Variants in OPCML observed in about 807,000 individuals in gnomAD.
OPCML encodes opioid-binding protein/cell adhesion molecule.
A neutral mutation model predicts 37.8 loss-of-function variants in OPCML; 13 were observed. The observed-to-expected ratio is 0.34, with a 90% CI of 0.22 to 0.55. OPCML has a LOEUF of 0.55. Among genes scored for constraint, OPCML ranks in the 20% least tolerant of loss-of-function variants. The pLI, the probability that OPCML is intolerant of heterozygous loss-of-function variation, is 0.91. For missense variants in OPCML, 341 were observed against 435.6 expected, an observed-to-expected ratio of 0.78 and a Z score of 1.93; for synonymous variants, 176 against 168.8, an observed-to-expected ratio of 1.04 and a Z score of -0.33.
intron 1 of OPCML, among the ~76,000 whole-genome samples, chr11:133,053,128 A>G (rs962717832): frequency 6.6e-6 from 1 of 152,206 alleles, no homozygotes; most frequent in African/African-American, 2.4e-5. Flanking sequence ...TTGGACTCCC[A>G]GTTCATCATT....
At chr11:133,171,199 C>A (rs1285503659) in intron 1 of OPCML, among the ~76,000 whole-genome samples, 1 of 152,234 alleles carries the variant, frequency 6.6e-6, no homozygotes, top group Non-Finnish European at 1.5e-5. Context: ...GTTACCAATT[C>A]TGTGGCTGCA....
chr11:133,238,572 G>T (rs1940610516), intron 1 of OPCML, among the ~76,000 whole-genome samples: 1 of 152,114 alleles, frequency 6.6e-6, no homozygotes, highest in South Asian at 2.1e-4. Flanking sequence ...GACAGCGTTG[G>T]CTTGGCTTGT....
chr11:133,247,692 C>G (rs1489958933), intron 1 of OPCML, among the ~76,000 whole-genome samples: 3 of 151,732 alleles, frequency 2.0e-5, no homozygotes, highest in Non-Finnish European at 4.4e-5. Context: ...CAACCACTGC[C>G]TCTCAGGTTC....
Position 133,497,465 on chromosome 11 carries a change from TC to T in OPCML, c.61+34798del, listed in dbSNP as rs938556284. 5.9e-5 allele frequency among the ~76,000 whole-genome samples: 9 copies of T among 152,072 alleles called. No homozygotes were observed. The South Asian group carries it at 6.2e-4, about 11-fold the overall frequency. The stretch of plus-strand genomic sequence containing the variant: ...TTCATTGAGCGTTTCCTTTCTCTGG[TC>T]CCCCCCGATTCACTTAATAACTAAT... On this transcript the variant is annotated intron_variant, in intron 1 of 7. Coordinates refer to ENST00000524381, the MANE Select transcript of OPCML (RefSeq NM_001012393.5).
chr11:132,778,862 C>T (rs1946895645), intron 2 of OPCML, among the ~76,000 whole-genome samples: 1 of 150,904 alleles, frequency 6.6e-6, no homozygotes, highest in Non-Finnish European at 1.5e-5. Flanking sequence ...GCCAATATAA[C>T]TTTTGACAAA....
At chr11:132,432,183 T>G (rs780207694) in intron 7 of OPCML, among the ~76,000 whole-genome samples, 4 of 152,146 alleles carry the variant, frequency 2.6e-5, no homozygotes, top group Non-Finnish European at 5.9e-5. Context: ...TTTCCTCAAG[T>G]GTAAAATCAG....
chr11:132,714,611 A>G (rs1212894771), intron 2 of OPCML, among the ~76,000 whole-genome samples: 1 of 152,210 alleles, frequency 6.6e-6, no homozygotes, highest in African/African-American at 2.4e-5. Flanking sequence ...AGCTTGACAG[A>G]AAACCTATAG....
intron 2 of OPCML, among the ~76,000 whole-genome samples, chr11:132,748,952 G>A (rs1945740678): frequency 6.6e-6 from 1 of 152,104 alleles, no homozygotes; most frequent in Admixed American, 6.6e-5. Flanking sequence ...TAAATATTGA[G>A]TGTTTTATGG....
intron 2 of OPCML, among the ~76,000 whole-genome samples, chr11:132,802,709 C>A (rs796348538): frequency 7.6e-4 from 116 of 152,258 alleles, no homozygotes; most frequent in African/African-American, 2.7e-3. Flanking sequence ...ATGTTCCTAT[C>A]CTGAGTACCA....
intron 1 of OPCML, among the ~76,000 whole-genome samples, chr11:133,224,946 G>T (rs777599761): frequency 1.3e-5 from 2 of 152,142 alleles, no homozygotes; most frequent in African/African-American, 2.4e-5. Context: ...CAAGCTCAGA[G>T]GTACCTGCAA....
intron 1 of OPCML, among the ~76,000 whole-genome samples, chr11:133,461,419 A>G (rs943217826): frequency 1.3e-4 from 20 of 151,948 alleles, no homozygotes; most frequent in African/African-American, 4.6e-4. Context: ...ACATGCAAAA[A>G]TTGGTGGTTG....
In OPCML at chr11:133,423,124, G is replaced by T. The variant is rs7943845; in HGVS notation, c.61+109140C>A. ...GAAATGGGCTTCTATTTGCCTTTCAGGATCTTATAACCATTCATCCTCTTT... is the reference window on the plus strand; with the variant it reads ...GAAATGGGCTTCTATTTGCCTTTCATGATCTTATAACCATTCATCCTCTTT... On this transcript the variant is annotated intron_variant, in intron 1 of 7. Transcript: ENST00000524381. 0.018 allele frequency: 17,369 copies of T among 985,236 alleles called. 1,532 individuals carry two copies. The African/African-American group carries it at 0.23, about 13-fold the overall frequency. The allele number at this position is 985,236 out of a possible 1,614,324, so 61.0% of individuals were successfully genotyped here. A position where few individuals can be genotyped will look rare whatever the true frequency, so the allele number is the denominator to read the frequency against.
intron 4 of OPCML, among the ~76,000 whole-genome samples, chr11:132,444,071 T>C (rs1182564123): frequency 6.6e-6 from 1 of 152,172 alleles, no homozygotes; most frequent in Non-Finnish European, 1.5e-5. Context: ...GTATGAGCTG[T>C]GTCGCAATGC....
chr11:133,013,165 A>T lies in OPCML; in HGVS notation c.62-70155T>A, dbSNP rs1947253326. On this transcript the variant is annotated intron_variant, in intron 1 of 7. Transcript: ENST00000524381. ...CGGTGGAGCCCACTTAACTTGCTGC[A>T]CCATGTGGGCTCTGTTTTACAGAGA... 2.0e-5 allele frequency among the ~76,000 whole-genome samples: 3 copies of T among 152,210 alleles called. No individual in the cohort carries two copies. The South Asian group carries it at 6.2e-4, about 32-fold the overall frequency.
intron 1 of OPCML, among the ~76,000 whole-genome samples, chr11:133,262,912 C>G (rs1012984501): frequency 6.6e-6 from 1 of 151,762 alleles, no homozygotes; most frequent in African/African-American, 2.4e-5. Context: ...TGGGGCATCC[C>G]GAGATCAGCG....
chr11:132,714,709 T>C (rs564674703), intron 2 of OPCML, among the ~76,000 whole-genome samples: 73 of 152,304 alleles, frequency 4.8e-4, no homozygotes, highest in African/African-American at 1.6e-3. Context: ...TAATGGGCCT[T>C]GCAAATTAGC....
At chr11:133,193,291 G>C (rs1305968743) in intron 1 of OPCML, among the ~76,000 whole-genome samples, 2 of 152,258 alleles carry the variant, frequency 1.3e-5, no homozygotes, top group Non-Finnish European at 2.9e-5. Flanking sequence ...AGTTGGCCAA[G>C]AGGAGAAATC....
intron 1 of OPCML, among the ~76,000 whole-genome samples, chr11:133,015,199 A>G (rs965569055): frequency 6.6e-6 from 1 of 152,184 alleles, no homozygotes; most frequent in Admixed American, 6.5e-5. Flanking sequence ...GTGATAGATC[A>G]ATTGATCAAT....
intron 1 of OPCML, among the ~76,000 whole-genome samples, chr11:133,507,902 A>G (rs541588755): frequency 3.3e-5 from 5 of 151,446 alleles, no homozygotes; most frequent in African/African-American, 4.9e-5. Flanking sequence ...AGCTGAGATC[A>G]CACCACTGCA....
Sources: gnomAD v4.1 joint callset for allele counts (sites outside exome capture counted in the v4.1 genomes callset) on GRCh38, gnomAD v4.1.1 for gene constraint, MANE v1.5 for transcripts, NCBI Gene and HGNC (gene_info 2026-07-23, HGNC 2026-07-21) for gene names.